The following CSMD1 variants were observed in gnomAD, a reference collection of about 807,000 sequenced individuals.
CSMD1 encodes the protein CUB and Sushi multiple domains 1.
Under a neutral mutation model 417.5 loss-of-function variants are expected in CSMD1, and 213 were observed. The observed-to-expected ratio is 0.51, with a 90% CI of 0.46 to 0.57. The LOEUF is 0.57. CSMD1 is among the 20% of genes least tolerant of loss of function. The pLI is 0.00. For synonymous variants in CSMD1, 2,862 were observed against 1,736.8 expected, an observed-to-expected ratio of 1.65 and a Z score of -16.11; for missense variants, 6,923 against 4,529.7, an observed-to-expected ratio of 1.53 and a Z score of -15.17.
chr8:3,522,707 C>G (rs939782773), intron 10 of CSMD1, among the ~76,000 whole-genome samples: 3 of 151,980 alleles, frequency 2.0e-5, no homozygotes, highest in African/African-American at 7.3e-5. Context: ...TACATTCACA[C>G]CGATACTGAT....
In CSMD1 at chr8:3,772,428, TATACATAC is replaced by T. The variant is rs1225868127; in HGVS notation, c.819-18394_819-18387del. On this transcript the variant is annotated intron_variant, in intron 5 of 69. Coordinates refer to ENST00000635120, the MANE Select transcript of CSMD1 (RefSeq NM_033225.6). ...ATACATATATTTATATATACACATA[TATACATAC>T]ATTTATATATACACATATATATACA... Among the ~76,000 whole-genome samples, 22 of 130,938 alleles carry T rather than the reference TATACATAC, an allele frequency of 1.7e-4. 1 individual carries two copies. Among genetic ancestry groups the T allele is most frequent in the African/African-American group, 2.5e-4 (8 of 31,854 alleles). The allele number at this position is 130,938 out of a possible 152,430, so 85.9% of individuals were successfully genotyped here. A position where few individuals can be genotyped will look rare whatever the true frequency, so the allele number is the denominator to read the frequency against.
At chr8:3,684,788 G>C (rs914985955) in intron 7 of CSMD1, among the ~76,000 whole-genome samples, 2 of 152,012 alleles carry the variant, frequency 1.3e-5, no homozygotes, top group Admixed American at 1.3e-4. Context: ...CCTAATTTTA[G>C]TCACCCTCAT....
chr8:4,330,088 G>C (rs1365183691), intron 3 of CSMD1, among the ~76,000 whole-genome samples: 1 of 152,048 alleles, frequency 6.6e-6, no homozygotes, highest in Non-Finnish European at 1.5e-5. Flanking sequence ...TTAGAGCAAT[G>C]CAAGAACAGT....
intron 50 of CSMD1, among the ~76,000 whole-genome samples, chr8:3,033,416 G>A (rs946319151): frequency 2.2e-4 from 33 of 152,210 alleles, no homozygotes; most frequent in African/African-American, 6.7e-4. Flanking sequence ...AGTATCAATT[G>A]TATTGCTATT....
chr8:3,625,429 T>A lies in CSMD1; in HGVS notation c.1010-8632A>T, dbSNP rs552838457. ...TTGCCAGATTTTTTTGTCTGGCCCC[T>A]CTTTCCTCTCCCACTACATACCTTC... On this transcript the variant is annotated intron_variant, in intron 7 of 69. Transcript: ENST00000635120. Among the ~76,000 whole-genome samples the A allele has an allele frequency of 1.6e-3, 248 of 152,234 alleles. 1 individual carries two copies. Among genetic ancestry groups the A allele is most frequent in the Non-Finnish European group, 1.9e-3 (127 of 68,010 alleles).
At chr8:3,905,355 A>G (rs1808044582) in intron 5 of CSMD1, among the ~76,000 whole-genome samples, 1 of 152,198 alleles carries the variant, frequency 6.6e-6, no homozygotes, top group African/African-American at 2.4e-5. Flanking sequence ...TTGATCATCT[A>G]AAAAAAGTTC....
chr8:3,733,786 T>G (rs554921175), intron 6 of CSMD1, among the ~76,000 whole-genome samples: 2 of 152,306 alleles, frequency 1.3e-5, no homozygotes, highest in South Asian at 4.1e-4. Flanking sequence ...GGCAAGCGGG[T>G]GGATACTTGC....
chr8:4,939,695 G>A (rs956535341), intron 1 of CSMD1, among the ~76,000 whole-genome samples: 4 of 152,184 alleles, frequency 2.6e-5, no homozygotes, highest in Non-Finnish European at 5.9e-5. Flanking sequence ...ATTAAAATCA[G>A]AGGACAAGGA....
At position 3,323,431 on chromosome 8, in the gene CSMD1, G is replaced by A. The variant is rs553229501; in HGVS notation, c.3632-14928C>T. ...ACTAATAGTCATCAAAGCCAGAAAC[G>A]CTGGTCCATTCTGAACCCCTCTCTC... On this transcript the variant is annotated intron_variant, in intron 23 of 69. Coordinates refer to ENST00000635120, the MANE Select transcript of CSMD1 (RefSeq NM_033225.6). Among the ~76,000 whole-genome samples the A allele has an allele frequency of 2.6e-5, 4 of 151,526 alleles. No homozygotes were observed. The East Asian group carries it at 5.9e-4, about 22-fold the overall frequency.
chr8:3,840,688 T>G (rs1585074785), intron 5 of CSMD1, among the ~76,000 whole-genome samples: 2 of 145,684 alleles, frequency 1.4e-5, no homozygotes, highest in East Asian at 2.0e-4. Context: ...CAATTCTTTT[T>G]TTTAATTTTT....
chr8:4,825,162 T>C (rs13251775), intron 1 of CSMD1, among the ~76,000 whole-genome samples: 18,771 of 152,162 alleles, frequency 0.12, 1,414 homozygotes, highest in East Asian at 0.23. Context: ...AGAAGTGGGA[T>C]AAATGTGACT....
intron 8 of CSMD1, among the ~76,000 whole-genome samples, chr8:3,590,811 G>A (rs1222977713): frequency 6.6e-6 from 1 of 152,096 alleles, no homozygotes; most frequent in Admixed American, 6.6e-5. Context: ...AACTAAATAA[G>A]ACCCCAATTC....
chr8:4,088,162 G>A (rs1225897609), intron 3 of CSMD1, among the ~76,000 whole-genome samples: 5 of 152,180 alleles, frequency 3.3e-5, no homozygotes, highest in Admixed American at 1.3e-4. Context: ...GTAAAGACAT[G>A]AATATTCTTC....
chr8:3,192,830 A>G lies in CSMD1; in HGVS notation c.5195-2715T>C, dbSNP rs191828749. On this transcript the variant is annotated intron_variant, in intron 33 of 69. Coordinates refer to ENST00000635120, the MANE Select transcript of CSMD1 (RefSeq NM_033225.6). ...AGATTTGGAGCATTTTGAATTTTGGATATTCAGATTAGGGATGCTCAATCC... is the reference window on the plus strand; with the variant it reads ...AGATTTGGAGCATTTTGAATTTTGGGTATTCAGATTAGGGATGCTCAATCC... 1.2e-4 allele frequency among the ~76,000 whole-genome samples: 18 copies of G among 152,144 alleles called. 1 individual carries two copies. In the East Asian group the frequency reaches 3.3e-3, roughly 28 times the overall value.
intron 3 of CSMD1, among the ~76,000 whole-genome samples, chr8:4,169,969 T>C (rs1017620774): frequency 2.0e-5 from 3 of 150,804 alleles, no homozygotes; most frequent in Non-Finnish European, 4.4e-5. Flanking sequence ...TCCTCCATAC[T>C]GTATCCTTTG....
chr8:3,338,494 C>T (rs114727752), intron 23 of CSMD1, among the ~76,000 whole-genome samples: 2,451 of 152,300 alleles, frequency 0.016, 67 homozygotes, highest in African/African-American at 0.055. Flanking sequence ...AATGAAAATT[C>T]AGCAGGGATG....
At chr8:3,095,047 T>A (rs1314562451) in intron 47 of CSMD1, among the ~76,000 whole-genome samples, 2 of 152,170 alleles carry the variant, frequency 1.3e-5, no homozygotes, top group Non-Finnish European at 2.9e-5. Flanking sequence ...CTGTCCAAAT[T>A]TGCAGGAGAT....
At chr8:3,158,464 C>T (rs1283125798) in intron 38 of CSMD1, among the ~76,000 whole-genome samples, 2 of 152,080 alleles carry the variant, frequency 1.3e-5, no homozygotes, top group Admixed American at 6.6e-5. Context: ...AGCACTGGGT[C>T]GTTTCTTTAT....
intron 3 of CSMD1, among the ~76,000 whole-genome samples, chr8:4,355,610 C>A (rs1406598872): frequency 2.6e-5 from 4 of 152,158 alleles, no homozygotes; most frequent in Non-Finnish European, 5.9e-5. Context: ...AGAAGAATAA[C>A]TGAGTTAAAT....
Sources: allele counts gnomAD v4.1 joint callset (sites outside exome capture counted in the v4.1 genomes callset), GRCh38; gene constraint gnomAD v4.1.1; transcripts MANE v1.5; gene names NCBI Gene and HGNC (gene_info 2026-07-23, HGNC 2026-07-21).